The following ZBTB8OS variants were observed in gnomAD, a reference collection of about 807,000 sequenced individuals.
The protein encoded by ZBTB8OS is tRNA splicing ligase complex subunit 1, also known as tRNA-splicing ligase-activating factor archease.
In ZBTB8OS, 16 loss-of-function variants were observed where a neutral mutation model predicts 29.3. That is an observed-to-expected ratio of 0.55 (90% CI 0.37 to 0.83). ZBTB8OS has a LOEUF of 0.83. Ranked by LOEUF, ZBTB8OS falls within the 40% of genes least tolerant of loss-of-function variation. The pLI is 0.00. For synonymous variants in ZBTB8OS, 70 were observed against 64.6 expected, an observed-to-expected ratio of 1.08 and a Z score of -0.40; for missense variants, 160 against 196.9, an observed-to-expected ratio of 0.81 and a Z score of 1.12.
chr1:32,627,021 G>A (rs896237259), intron 6 of ZBTB8OS, among the ~76,000 whole-genome samples: 15 of 152,142 alleles, frequency 9.9e-5, no homozygotes, highest in Non-Finnish European at 5.9e-5. Flanking sequence ...TACAACAGAA[G>A]CACTGAGTAG....
chr1:32,646,183 A>G (rs786295), intron 1 of ZBTB8OS, among the ~76,000 whole-genome samples: 147,442 of 152,040 alleles, frequency 0.97, 71,657 homozygotes, highest in East Asian at 1. Flanking sequence ...GCTGGGTATG[A>G]TGGTGCACGC....
chr1:32,647,129 C>T (rs999048934), intron 1 of ZBTB8OS, among the ~76,000 whole-genome samples: 3 of 142,390 alleles, frequency 2.1e-5, no homozygotes, highest in Non-Finnish European at 4.5e-5. Flanking sequence ...CCGAGGCGGG[C>T]GGATCACCTG....
chr1:32,635,360 C>T (rs543967526), intron 1 of ZBTB8OS, among the ~76,000 whole-genome samples: 23 of 151,938 alleles, frequency 1.5e-4, no homozygotes, highest in Non-Finnish European at 2.8e-4. Flanking sequence ...CAGCCTCTGC[C>T]TCCAGGGTTC....
At chr1:32,632,536 T>C (rs1006125036) in intron 4 of ZBTB8OS, among the ~76,000 whole-genome samples, 8 of 152,110 alleles carry the variant, frequency 5.3e-5, no homozygotes, top group African/African-American at 1.9e-4. Context: ...CACCTCAGCC[T>C]CTGGAGTAGC....
chr1:32,642,032 A>G (rs900474717), intron 1 of ZBTB8OS, among the ~76,000 whole-genome samples: 19 of 152,126 alleles, frequency 1.2e-4, no homozygotes, highest in Admixed American at 3.9e-4. Context: ...CCAAATTCCT[A>G]TCTAAGGGGT....
In ZBTB8OS at chr1:32,633,649, G is replaced by C. The variant is rs781009786; in HGVS notation, c.323C>G (p.Pro108Arg). 3 of 1,599,030 alleles carry C rather than the reference G, an allele frequency of 1.9e-6. No individual in the cohort carries two copies. The African/African-American group carries it at 4.1e-5, about 22-fold the overall frequency. The change falls in exon 4 of 7, where the codon CCC becomes CGC. Residue 108 changes from proline to arginine, a missense_variant. Pro to Arg is a moderately radical substitution (Grantham distance 103, BLOSUM62 -2). Transcript: ENST00000468695. ...YKFSADEFFI[P>R]REVKVLSIDQ... ...AAAAGAAAAACCTTTGCTTACCCGG[G>C]GTATGAAGAATTCATCAGCACTGAA...
At chr1:32,644,704 CTT>C (rs1190646557) in intron 1 of ZBTB8OS, among the ~76,000 whole-genome samples, 13 of 105,576 alleles carry the variant, frequency 1.2e-4, no homozygotes, top group East Asian at 8.3e-4. Flanking sequence ...CCACACCCAG[CTT>C]TTTTTTTTTT....
intron 6 of ZBTB8OS, among the ~76,000 whole-genome samples, chr1:32,626,174 A>G (rs1645120725): frequency 6.6e-6 from 1 of 152,156 alleles, no homozygotes; most frequent in Admixed American, 6.5e-5. Context: ...CGCCGGGCCT[A>G]TAATACTGTA....
At chr1:32,645,107 A>G (rs1646737394) in intron 1 of ZBTB8OS, among the ~76,000 whole-genome samples, 1 of 152,002 alleles carries the variant, frequency 6.6e-6, no homozygotes, top group African/African-American at 2.4e-5. Flanking sequence ...TGCACCTGGG[A>G]GGAGGAGGTT....
chr1:32,645,941 T>A (rs1646794520), intron 1 of ZBTB8OS, among the ~76,000 whole-genome samples: 1 of 152,220 alleles, frequency 6.6e-6, no homozygotes, highest in African/African-American at 2.4e-5. Context: ...TGAGAACTAT[T>A]ATACTACTTA....
At position 32,634,745 on chromosome 1, in the gene ZBTB8OS, G is replaced by A. The variant is rs545340934; in HGVS notation, c.122+23C>T. 6.8e-6 allele frequency: 11 copies of A among 1,613,886 alleles called. No individual in the cohort carries two copies. In the South Asian group the frequency reaches 1.2e-4, roughly 18 times the overall value. On this transcript the variant is annotated intron_variant, in intron 2 of 6. Coordinates refer to ENST00000468695, the MANE Select transcript of ZBTB8OS (RefSeq NM_178547.5). ...TCTTCCTACTGACGTGGTTTCAAAGGAATGAACTCCCGCTATACTCACTGG... is the reference window on the plus strand; with the variant it reads ...TCTTCCTACTGACGTGGTTTCAAAGAAATGAACTCCCGCTATACTCACTGG...
Position 32,641,010 on chromosome 1 carries a change from C to CAA in ZBTB8OS, c.98-6220_98-6219dup, listed in dbSNP as rs530189429. ...TGAAACCCTGTCTCTACTAAAAATA[C>CAA]AAAAAAAAAAAAATTAGCTGGGCAT... On this transcript the variant is annotated intron_variant, in intron 1 of 6. Transcript: ENST00000468695. 3.1e-4 allele frequency among the ~76,000 whole-genome samples: 33 copies of CAA among 104,782 alleles called. 1 individual carries two copies. The highest frequency in any genetic ancestry group is 3.0e-3 in the East Asian group (11 of 3,684). 68.7% of individuals were successfully genotyped at this position (104,782 alleles called of 152,430 possible). A position where few individuals can be genotyped will look rare whatever the true frequency, so the allele number is the denominator to read the frequency against.
chr1:32,633,762 G>T, intron 3 of ZBTB8OS, 35 bp from the exon 4 acceptor site: 1 of 1,530,044 alleles, frequency 6.5e-7, no homozygotes, highest in Non-Finnish European at 8.9e-7. Context: ...TAATAATTCT[G>T]GTCTCTAAAA....
rs181313549 is a variant in ZBTB8OS, at chr1:32,621,835, C to T, written c.*27G>A. On this transcript the variant is annotated 3_prime_UTR_variant, in exon 7 of 7. Coordinates refer to ENST00000468695, the MANE Select transcript of ZBTB8OS (RefSeq NM_178547.5). ...GAAGAGGAAAACAAAAACAGTTCTTCGTAGGAGTCTTTTATTTTTTGGTGT... is the reference window on the plus strand; with the variant it reads ...GAAGAGGAAAACAAAAACAGTTCTTTGTAGGAGTCTTTTATTTTTTGGTGT... The T allele has an allele frequency of 1.9e-4, 280 of 1,483,928 alleles. No homozygotes were observed. The highest frequency in any genetic ancestry group is 2.3e-4 in the Non-Finnish European group (246 of 1,087,072). The allele number at this position is 1,483,928 out of a possible 1,614,324, so 91.9% of individuals were successfully genotyped here. A position where few individuals can be genotyped will look rare whatever the true frequency, so the allele number is the denominator to read the frequency against.
intron 6 of ZBTB8OS, among the ~76,000 whole-genome samples, chr1:32,624,781 C>G (rs11579955): frequency 1.1e-4 from 17 of 151,740 alleles, no homozygotes; most frequent in Non-Finnish European, 2.1e-4. Context: ...GTAATCCCAG[C>G]TACTCAGGAG....
intron 1 of ZBTB8OS, among the ~76,000 whole-genome samples, chr1:32,645,769 T>C (rs1433380150): frequency 6.6e-6 from 1 of 152,138 alleles, no homozygotes; most frequent in African/African-American, 2.4e-5. Context: ...TAGCTGGGAC[T>C]ACAGGCTGGG....
chr1:32,631,597 A>C (rs1253200678), intron 5 of ZBTB8OS, among the ~76,000 whole-genome samples: 1 of 152,166 alleles, frequency 6.6e-6, no homozygotes, highest in African/African-American at 2.4e-5. Context: ...TGTGCCATTT[A>C]GCAATTACAC....
At chr1:32,645,947 A>G (rs1465357539) in intron 1 of ZBTB8OS, among the ~76,000 whole-genome samples, 1 of 152,226 alleles carries the variant, frequency 6.6e-6, no homozygotes, top group African/African-American at 2.4e-5. Flanking sequence ...CTATTATACT[A>G]CTTATACAAG....
chr1:32,621,638 T>G lies in ZBTB8OS; in HGVS notation c.*224A>C, dbSNP rs1644762388. On this transcript the variant is annotated 3_prime_UTR_variant, in exon 7 of 7. Coordinates refer to ENST00000468695, the MANE Select transcript of ZBTB8OS (RefSeq NM_178547.5). The stretch of plus-strand genomic sequence containing the variant: ...AGAATCAAAGGACCATAACTGTCCC[T>G]TGGGGGGTTGAAGAATTCTTTAAAG... 2 of 501,430 alleles carry G rather than the reference T, an allele frequency of 4.0e-6. No homozygotes were observed. Among genetic ancestry groups the G allele is most frequent in the Non-Finnish European group, 7.0e-6 (2 of 287,334 alleles). 31.1% of individuals were successfully genotyped at this position (501,430 alleles called of 1,614,324 possible).
Sources: gnomAD v4.1 joint callset for allele counts (sites outside exome capture counted in the v4.1 genomes callset) on GRCh38, gnomAD v4.1.1 for gene constraint, MANE v1.5 for transcripts, NCBI Gene and HGNC (gene_info 2026-07-23, HGNC 2026-07-21) for gene names.